PRPSAP2: variants seen among roughly 807,000 people sequenced by gnomAD.
PRPSAP2 encodes the protein phosphoribosyl pyrophosphate synthetase associated protein 2.
Under a neutral mutation model 40.6 loss-of-function variants are expected in PRPSAP2, and 24 were observed. The observed-to-expected ratio is 0.59, with a 90% CI of 0.43 to 0.83. The LOEUF is 0.83. Ranked by LOEUF, PRPSAP2 falls within the 40% of genes least tolerant of loss-of-function variation. The pLI, the probability that PRPSAP2 is intolerant of heterozygous loss-of-function variation, is 0.00. For missense variants in PRPSAP2, 292 were observed against 465.6 expected (o/e 0.63, Z 3.43); for synonymous variants, 149 against 164.7 (o/e 0.90, Z 0.73).
At chr17:18,923,857 AGTTTT>A (rs1439851737) in intron 9 of PRPSAP2, 52 bp from the exon 10 acceptor site, 3 of 1,435,996 alleles carry the variant, frequency 2.1e-6, no homozygotes, top group East Asian at 4.8e-5. Flanking sequence ...ACTTCTTTAA[AGTTTT>A]GTTTTACTTT....
intron 9 of PRPSAP2, among the ~76,000 whole-genome samples, chr17:18,913,951 G>A (rs938916849): frequency 1.3e-5 from 2 of 151,504 alleles, no homozygotes. Context: ...CGAGGCAGGT[G>A]GATCACGAGG....
At chr17:18,887,141 G>A (rs551356177) in intron 7 of PRPSAP2, among the ~76,000 whole-genome samples, 338 of 151,564 alleles carry the variant, frequency 2.2e-3, no homozygotes, top group Non-Finnish European at 3.9e-3. Context: ...TTCCATGTTG[G>A]TCAGGCTGGT....
intron 9 of PRPSAP2, among the ~76,000 whole-genome samples, chr17:18,916,202 T>A (rs1277458040): frequency 2.0e-5 from 3 of 152,082 alleles, no homozygotes; most frequent in East Asian, 3.9e-4. Context: ...TTACGGTCTG[T>A]ACATAGCAAT....
intron 5 of PRPSAP2, among the ~76,000 whole-genome samples, chr17:18,873,492 C>T (rs570771940): frequency 1.3e-5 from 2 of 152,244 alleles, no homozygotes; most frequent in East Asian, 1.9e-4. Flanking sequence ...AGGCGTGAGC[C>T]ACTGCGCCCA....
chr17:18,908,657 AG>A, intron 8 of PRPSAP2: 2 of 721,584 alleles, frequency 2.8e-6, no homozygotes, highest in Non-Finnish European at 5.1e-6. Flanking sequence ...TTCGCCAACG[AG>A]TGCCCCAAGC....
At chr17:18,929,645 A>G (rs772316659) in intron 11 of PRPSAP2, 11 of 152,316 alleles carry the variant, frequency 7.2e-5, no homozygotes, top group African/African-American at 2.4e-4. Context: ...TTCACTCAAC[A>G]TAATATTTTC....
In PRPSAP2 at chr17:18,930,995, C is replaced by G. The variant is rs1016551597; in HGVS notation, c.*297C>G. 1 of 202,132 alleles carries G rather than the reference C, an allele frequency of 4.9e-6. No individual in the cohort carries two copies. The highest frequency in any genetic ancestry group is 2.3e-5 in the African/African-American group (1 of 43,482). The allele number at this position is 202,132 out of a possible 1,614,324, so 12.5% of individuals were successfully genotyped here. A position where few individuals can be genotyped will look rare whatever the true frequency, so the allele number is the denominator to read the frequency against. Reference sequence around the variant, plus strand: ...GAATAAGATTTGTAAGCTCACAAAGCCTTCTTCCAAAGTTGCTTGAGCCAA... The same window carrying G: ...GAATAAGATTTGTAAGCTCACAAAGGCTTCTTCCAAAGTTGCTTGAGCCAA... On this transcript the variant is annotated 3_prime_UTR_variant, in exon 12 of 12. Coordinates refer to ENST00000268835, the MANE Select transcript of PRPSAP2 (RefSeq NM_002767.4).
intron 9 of PRPSAP2, among the ~76,000 whole-genome samples, chr17:18,913,426 C>G (rs1332644793): frequency 1.8e-4 from 28 of 151,612 alleles, no homozygotes; most frequent in Non-Finnish European, 1.5e-5. Flanking sequence ...GCCTTGAAAT[C>G]GTTCTGCCCC....
chr17:18,914,413 G>A (rs1035023636), intron 9 of PRPSAP2, among the ~76,000 whole-genome samples: 25 of 148,738 alleles, frequency 1.7e-4, no homozygotes, highest in African/African-American at 6.2e-4. Context: ...GTGTGCACCA[G>A]GCCTGGCTAA....
intron 4 of PRPSAP2, among the ~76,000 whole-genome samples, chr17:18,871,485 A>G (rs988310786): frequency 5.3e-5 from 8 of 152,060 alleles, no homozygotes; most frequent in East Asian, 1.9e-4. Flanking sequence ...TGTCTTGTAG[A>G]ATGTCCCATT....
chr17:18,856,860 A>G (rs1422268562), upstream of PRPSAP2, among the ~76,000 whole-genome samples: 2 of 152,228 alleles, frequency 1.3e-5, no homozygotes, highest in Non-Finnish European at 2.9e-5. Context: ...TGAGGATTAA[A>G]TAAGTTACCG....
rs923921867 is a variant in PRPSAP2, at chr17:18,916,057, A to G, written c.733+4806A>G. Among the ~76,000 whole-genome samples, 10 of 151,930 alleles carry G rather than the reference A, an allele frequency of 6.6e-5. No individual in the cohort carries two copies. In the South Asian group the frequency reaches 1.9e-3, roughly 28 times the overall value. Reference sequence around the variant, plus strand: ...CTGGTTGAACTCCTGAGCTCAGGCAATCTGCCTACCTCGGCCTCCCAAAGT... The same window carrying G: ...CTGGTTGAACTCCTGAGCTCAGGCAGTCTGCCTACCTCGGCCTCCCAAAGT... On this transcript the variant is annotated intron_variant, in intron 9 of 11. Coordinates refer to ENST00000268835, the MANE Select transcript of PRPSAP2 (RefSeq NM_002767.4).
At chr17:18,884,138 G>A (rs56792798) in intron 7 of PRPSAP2, among the ~76,000 whole-genome samples, 6 of 152,034 alleles carry the variant, frequency 3.9e-5, no homozygotes, top group Non-Finnish European at 5.9e-5. Flanking sequence ...GTGGTGGCGC[G>A]TGCCTGTAAT....
intron 9 of PRPSAP2, among the ~76,000 whole-genome samples, chr17:18,918,323 C>T (rs1200242190): frequency 6.6e-5 from 10 of 152,160 alleles, no homozygotes. Context: ...AGAGTGGACC[C>T]ATGATAGGCC....
chr17:18,878,970 A>C (rs1176504948), intron 6 of PRPSAP2, among the ~76,000 whole-genome samples: 2 of 151,666 alleles, frequency 1.3e-5, no homozygotes, highest in East Asian at 3.9e-4. Flanking sequence ...CCTGGGTTCA[A>C]GCGATTTTTG....
rs148752640 is a variant in PRPSAP2 at position 18,903,386 on chromosome 17, A to G, written c.585-7717A>G. Among the ~76,000 whole-genome samples, 70 of 151,130 alleles carry G rather than the reference A, an allele frequency of 4.6e-4. 2 individuals carry two copies. The East Asian group carries it at 8.9e-3, about 19-fold the overall frequency. On this transcript the variant is annotated intron_variant, in intron 8 of 11. Coordinates refer to ENST00000268835, the MANE Select transcript of PRPSAP2 (RefSeq NM_002767.4). ...TACAAAAGGTTCAGTTTTATATGGA[A>G]CAGGTAGTAAAATAACACAGTCAAG...
Position 18,867,345 on chromosome 17 carries a change from T to A in PRPSAP2, c.172+11T>A. 6.2e-7 allele frequency: 1 copy of A among 1,614,022 alleles called. No individual in the cohort carries two copies. On this transcript the variant is annotated intron_variant, in intron 4 of 11. Transcript: ENST00000268835. Reference sequence around the variant, plus strand: ...AGGAACCTAACAGAGGTGAGCTATCTTGGGCATGTGGAACATTGACCTTTT... The same window carrying A: ...AGGAACCTAACAGAGGTGAGCTATCATGGGCATGTGGAACATTGACCTTTT...
At chr17:18,917,581 A>AT (rs1407143277) in intron 9 of PRPSAP2, 9 of 36,166 alleles carry the variant, frequency 2.5e-4, no homozygotes, top group Non-Finnish European at 3.2e-4. Context: ...TATTATTATT[A>AT]TTATTTTTTT....
chr17:18,857,892 A>G (rs960975566), upstream of PRPSAP2: 8 of 152,288 alleles, frequency 5.3e-5, no homozygotes, highest in Non-Finnish European at 7.3e-5. Flanking sequence ...GTCCACATTC[A>G]TTCCTTGTAA....
Sources: gnomAD v4.1 joint callset for allele counts (sites outside exome capture counted in the v4.1 genomes callset) on GRCh38, gnomAD v4.1.1 for gene constraint, MANE v1.5 for transcripts, NCBI Gene and HGNC (gene_info 2026-07-23, HGNC 2026-07-21) for gene names.